Variants in WNT5A observed in about 807,000 individuals in gnomAD.
WNT5A encodes Wnt family member 5A, also known as protein Wnt-5a.
Under a neutral mutation model 42.1 loss-of-function variants are expected in WNT5A, and 9 were observed. That is an observed-to-expected ratio of 0.21 (90% CI 0.13 to 0.37). WNT5A has a LOEUF of 0.37. WNT5A is among the 10% of genes least tolerant of loss of function. The probability of loss-of-function intolerance (pLI) is 1.00; values close to 1 mark genes in which losing one functional copy is unlikely to be tolerated. For synonymous variants in WNT5A, 210 were observed against 210.0 expected (o/e 1.00, Z 0.00); for missense variants, 426 against 534.0 (o/e 0.80, Z 1.99).
At chr3:55,488,109 C>T (rs2051609819), upstream of WNT5A, 1 of 152,332 alleles carries the variant, frequency 6.6e-6, no homozygotes, top group Non-Finnish European at 1.5e-5. Context: ...CTGCCCACCT[C>T]CTCGTTTGGC....
At chr3:55,481,824 C>T (rs1170052207) in intron 1 of WNT5A, among the ~76,000 whole-genome samples, 1 of 152,134 alleles carries the variant, frequency 6.6e-6, no homozygotes, top group South Asian at 2.1e-4. Context: ...GAGTCTGGGT[C>T]TCGCTTCCCC....
intron 1 of WNT5A, among the ~76,000 whole-genome samples, chr3:55,482,411 C>CACCCTCCGTCCTCTCCCCAA (rs2051485941): frequency 6.6e-6 from 1 of 152,160 alleles, no homozygotes; most frequent in Non-Finnish European, 1.5e-5. Flanking sequence ...CGCCCATAGC[C>CACCCTCCGTCCTCTCCCCAA]CCTGAAGGAG....
chr3:55,490,665 A>G (rs1002373682), upstream of WNT5A: 2 of 152,256 alleles, frequency 1.3e-5, no homozygotes, highest in African/African-American at 4.8e-5. Flanking sequence ...CCTGGCACTC[A>G]ATGCCTGCTC....
At chr3:55,481,176 T>A in intron 1 of WNT5A, 1 of 663,638 alleles carries the variant, frequency 1.5e-6, no homozygotes, top group Non-Finnish European at 2.0e-6. Flanking sequence ...GTGTCTCAAT[T>A]CTGTTGAGTC....
the WNT5A span, among the ~76,000 whole-genome samples, chr3:55,496,900 G>C: frequency 6.6e-6 from 1 of 152,200 alleles, no homozygotes; most frequent in Non-Finnish European, 1.5e-5. Flanking sequence ...AAAGCTTATG[G>C]AAAGTAAGGG....
At chr3:55,499,364 C>T in the WNT5A span, among the ~76,000 whole-genome samples, 39 of 152,090 alleles carry the variant, frequency 2.6e-4, no homozygotes, top group Non-Finnish European at 1.8e-4. Flanking sequence ...GAATGCAAAG[C>T]GGGAAGACAG....
In WNT5A at chr3:55,470,356, C is replaced by T. The variant is rs776714857; in HGVS notation, c.879G>A (p.Ser293=). The part of the protein sequence containing the change: ...KLVQVNSRFN[S]PTTQDLVYID... ...TGTAGACCAGGTCTTGTGTGGTGGG[C>T]GAGTTGAAGCGGCTGTTGACCTGTA... is the stretch of plus-strand genomic sequence containing the variant. Residue 293 remains serine (S), a synonymous_variant, in exon 5 of 5, where the codon TCG becomes TCA. Coordinates refer to ENST00000264634, the MANE Select transcript of WNT5A (RefSeq NM_003392.7). 6.2e-6 allele frequency: 10 copies of T among 1,614,006 alleles called. No individual in the cohort carries two copies. The highest frequency in any genetic ancestry group is 4.5e-5 in the East Asian group (2 of 44,894).
At chr3:55,487,370 C>A, upstream of WNT5A, 1 of 280,130 alleles carries the variant, frequency 3.6e-6, no homozygotes, top group Non-Finnish European at 6.6e-6. Flanking sequence ...CTTTCCAACC[C>A]CAAATGTGGG....
rs1028556815 is a variant in WNT5A at position 55,483,710 on chromosome 3, G to T, written c.7-2792C>A. The stretch of plus-strand genomic sequence containing the variant: ...GAGTGAGGTGGAGGAGGGCGTTCCC[G>T]CGTCCTCCTCTTCAATCCAGAGCAG... On this transcript the variant is annotated intron_variant, in intron 1 of 4. Coordinates refer to ENST00000264634, the MANE Select transcript of WNT5A (RefSeq NM_003392.7). The surrounding 1 kb of genome is among the most constrained non-coding windows in gnomAD (Gnocchi z 4.2). Among the ~76,000 whole-genome samples, 23 of 152,258 alleles carry T rather than the reference G, an allele frequency of 1.5e-4. No homozygotes were observed. The highest frequency in any genetic ancestry group is 4.3e-4 in the African/African-American group (18 of 41,552).
At chr3:55,482,734 C>T (rs969458520) in intron 1 of WNT5A, among the ~76,000 whole-genome samples, 4 of 152,186 alleles carry the variant, frequency 2.6e-5, no homozygotes, top group Non-Finnish European at 5.9e-5. Context: ...GGGGTTTCCC[C>T]AGCTAGGAGA....
chr3:55,496,182 G>C, the WNT5A span, among the ~76,000 whole-genome samples: 1 of 151,992 alleles, frequency 6.6e-6, no homozygotes, highest in Non-Finnish European at 1.5e-5. Flanking sequence ...AATCATCAAT[G>C]GTGAATAAAA....
chr3:55,484,589 A>T (rs1473456343), intron 1 of WNT5A, among the ~76,000 whole-genome samples: 1 of 152,092 alleles, frequency 6.6e-6, no homozygotes, highest in Non-Finnish European at 1.5e-5. Flanking sequence ...AGGTTCGGGT[A>T]TAGAGAGGCC....
intron 4 of WNT5A, among the ~76,000 whole-genome samples, chr3:55,473,194 T>C (rs986719220): frequency 3.3e-5 from 5 of 152,248 alleles, no homozygotes; most frequent in Non-Finnish European, 7.3e-5. Flanking sequence ...GAAGTGGTTT[T>C]CTGGGCCTCA....
At chr3:55,474,713 T>A (rs1256730407) in intron 3 of WNT5A, 84 bp from the exon 4 acceptor site, 3 of 802,974 alleles carry the variant, frequency 3.7e-6, no homozygotes, top group Non-Finnish European at 4.5e-6. Flanking sequence ...GGGGGCAAGG[T>A]AGGGAATGGT....
In WNT5A at chr3:55,483,716, T is replaced by C. The variant is rs2051513651; in HGVS notation, c.7-2798A>G. Among the ~76,000 whole-genome samples, 1 of 152,128 alleles carries C rather than the reference T, an allele frequency of 6.6e-6. No individual in the cohort carries two copies. Among genetic ancestry groups the C allele is most frequent in the Admixed American group, 6.5e-5 (1 of 15,286 alleles). On this transcript the variant is annotated intron_variant, in intron 1 of 4. Coordinates refer to ENST00000264634, the MANE Select transcript of WNT5A (RefSeq NM_003392.7). The surrounding 1 kb of genome is among the most constrained non-coding windows in gnomAD (Gnocchi z 4.2). ...GGTGGAGGAGGGCGTTCCCGCGTCC[T>C]CCTCTTCAATCCAGAGCAGCTCAAC...
At position 55,470,418 on chromosome 3, in the gene WNT5A, C is replaced by T. The variant is rs2051227861; in HGVS notation, c.817G>A (p.Ala273Thr). 3 of 1,613,032 alleles carry T rather than the reference C, an allele frequency of 1.9e-6. No individual in the cohort carries two copies. The highest frequency in any genetic ancestry group is 2.7e-5 in the African/African-American group (2 of 75,052). Residue 273 changes from alanine to threonine, a missense_variant, in exon 5 of 5, where the codon GCG (alanine) becomes ACG (threonine). This residue lies in a region of WNT5A where 358 missense variants were observed against 468.1 expected (regional missense o/e 0.76). Coordinates refer to ENST00000264634, the MANE Select transcript of WNT5A (RefSeq NM_003392.7). The part of the protein sequence containing the change: ...GDALKEKYDS[A>T]AAMRLNSRGK... ...CGGCTGTTGAGCCGCATGGCCGCCG[C>T]GCTGTCGTACTTCTCCTTCAGGGCA...
chr3:55,490,506 A>T (rs1007469311), upstream of WNT5A: 1 of 152,300 alleles, frequency 6.6e-6, no homozygotes, highest in Non-Finnish European at 1.5e-5. Flanking sequence ...CTTACACACA[A>T]CAACAGCAAC....
At chr3:55,502,051 T>A in the WNT5A span, among the ~76,000 whole-genome samples, 1 of 152,188 alleles carries the variant, frequency 6.6e-6, no homozygotes, top group Non-Finnish European at 1.5e-5. Context: ...CGTCATGCTA[T>A]GAGCTTGTTC....
chr3:55,504,707 G>T, the WNT5A span, among the ~76,000 whole-genome samples: 3 of 152,156 alleles, frequency 2.0e-5, no homozygotes, highest in Non-Finnish European at 4.4e-5. Flanking sequence ...CAGGTGATCT[G>T]CCCACCTCGG....
Sources: allele counts gnomAD v4.1 joint callset (sites outside exome capture counted in the v4.1 genomes callset), GRCh38; gene constraint gnomAD v4.1.1; regional missense constraint gnomAD v4.1.1; non-coding constraint Gnocchi (gnomAD v3.1); transcripts MANE v1.5; gene names NCBI Gene and HGNC (gene_info 2026-07-23, HGNC 2026-07-21).